BEND3: variants seen among roughly 807,000 people sequenced by gnomAD.
BEND3 encodes the protein BEN domain containing 3.
BEND3 carries 13 observed loss-of-function variants against 60.1 expected under a neutral mutation model. The observed-to-expected ratio is 0.22, with a 90% CI of 0.14 to 0.34. The LOEUF is 0.34. Among genes scored for constraint, BEND3 ranks in the 10% least tolerant of loss-of-function variants. The pLI is 1.00. For synonymous variants in BEND3, 497 were observed against 491.5 expected, an observed-to-expected ratio of 1.01 and a Z score of -0.15; for missense variants, 896 against 1,138.1, an observed-to-expected ratio of 0.79 and a Z score of 3.06.
intron 3 of BEND3, among the ~76,000 whole-genome samples, chr6:107,089,307 A>AT (rs1463292410): frequency 2.0e-5 from 3 of 151,918 alleles, no homozygotes; most frequent in Admixed American, 6.6e-5. Flanking sequence ...TAAAGATTTT[A>AT]TTTTTTTTCT....
chr6:107,081,372 CACT>C (rs1230077549), intron 3 of BEND3, among the ~76,000 whole-genome samples: 3 of 151,944 alleles, frequency 2.0e-5, no homozygotes, highest in Non-Finnish European at 2.9e-5. Context: ...AGACGCCCAC[CACT>C]ACGCCTGGCT....
In BEND3 at chr6:107,068,986, G is replaced by A. The variant is rs1347866138; in HGVS notation, c.2205C>T (p.Ser735=). ...EVREIVQQSL[S]VGNFAARLLV... Reference sequence around the variant, plus strand: ...GGAGCCGGGCGGCAAAGTTGCCCACGGAGAGGCTCTGCTGCACGATCTCAC... The same window carrying A: ...GGAGCCGGGCGGCAAAGTTGCCCACAGAGAGGCTCTGCTGCACGATCTCAC... The change falls in exon 4 of 4, where the codon TCC becomes TCT. Residue 735 remains serine, a synonymous_variant. Coordinates refer to ENST00000369042, the MANE Select transcript of BEND3 (RefSeq NM_001367314.1). This position sits in a 1 kb window ranked among gnomAD's most constrained non-coding sequence, Gnocchi z 5.8. The A allele has an allele frequency of 6.8e-6, 11 of 1,613,672 alleles. No homozygotes were observed. Among genetic ancestry groups the A allele is most frequent in the Admixed American group, 3.3e-5 (2 of 59,996 alleles).
intron 3 of BEND3, among the ~76,000 whole-genome samples, chr6:107,078,600 G>GCCTGCCACCACACC (rs1562302961): frequency 8.5e-6 from 1 of 117,438 alleles, no homozygotes; most frequent in Non-Finnish European, 1.8e-5. Flanking sequence ...GATTACAGGC[G>GCCTGCCACCACACC]TGAGCCTCCG....
Position 107,067,314 on chromosome 6 carries a change from G to A in BEND3, c.*1390C>T, listed in dbSNP as rs1411362132. ...CTGGTATGACACACTGTTTGCATTC[G>A]ACTGTTTCCTTTCCCTCTTAAGCAT... On this transcript the variant is annotated 3_prime_UTR_variant, in exon 4 of 4. Coordinates refer to ENST00000369042, the MANE Select transcript of BEND3 (RefSeq NM_001367314.1). 6.6e-6 allele frequency: 1 copy of A among 152,180 alleles called. No homozygotes were observed. Among genetic ancestry groups the A allele is most frequent in the African/African-American group, 2.4e-5 (1 of 41,446 alleles). 9.4% of individuals were successfully genotyped at this position (152,180 alleles called of 1,614,324 possible).
At chr6:107,095,828 A>G (rs1775574650) in intron 3 of BEND3, among the ~76,000 whole-genome samples, 1 of 152,260 alleles carries the variant, frequency 6.6e-6, no homozygotes, top group South Asian at 2.1e-4. Flanking sequence ...ACTTCACGAC[A>G]TTCTGGAAAA....
chr6:107,109,052 C>T (rs1288028287), intron 1 of BEND3, among the ~76,000 whole-genome samples: 1 of 152,040 alleles, frequency 6.6e-6, no homozygotes. Flanking sequence ...GAGATCCACC[C>T]GCCTCAGCCT....
intron 3 of BEND3, among the ~76,000 whole-genome samples, chr6:107,097,972 A>G (rs1282972419): frequency 6.6e-6 from 1 of 152,114 alleles, no homozygotes; most frequent in African/African-American, 2.4e-5. Context: ...ATTTGTTTGG[A>G]TCTGCCCTAA....
At position 107,099,266 on chromosome 6, in the gene BEND3, G is replaced by T; in HGVS notation, c.20C>A (p.Thr7Asn). The T allele has an allele frequency of 6.2e-7, 1 of 1,610,704 alleles. No homozygotes were observed. The highest frequency in any genetic ancestry group is 8.5e-7 in the Non-Finnish European group (1 of 1,177,634). The change falls in exon 2 of 4, where the codon ACC becomes AAC. Residue 7 changes from threonine (T) to asparagine (N), a missense_variant. By Grantham distance (65) the Thr-to-Asn change is moderately conservative. This residue lies in a region of BEND3 where 846 missense variants were observed against 1,036.7 expected (regional missense o/e 0.82). Transcript: ENST00000369042. Reference protein sequence around the residue: MNSTEFTEDVEEVLKSI... With the variant: MNSTEFNEDVEEVLKSI... ...TTTTTTACCTTCTTCTACATCTTCG[G>T]TGAATTCAGTTGAGTTCATCTTCTA...
At chr6:107,090,865 CT>C (rs1194690905) in intron 3 of BEND3, among the ~76,000 whole-genome samples, 1 of 152,080 alleles carries the variant, frequency 6.6e-6, no homozygotes, top group Non-Finnish European at 1.5e-5. Context: ...AATCCCAGCA[CT>C]TTGGAAGGCA....
At chr6:107,078,667 C>T (rs373909370) in intron 3 of BEND3, among the ~76,000 whole-genome samples, 1 of 151,022 alleles carries the variant, frequency 6.6e-6, no homozygotes, top group Non-Finnish European at 1.5e-5. Context: ...CCCCATGCTG[C>T]GTCCTCATGT....
At chr6:107,092,564 C>T (rs1185656669) in intron 3 of BEND3, among the ~76,000 whole-genome samples, 1 of 152,168 alleles carries the variant, frequency 6.6e-6, no homozygotes, top group Non-Finnish European at 1.5e-5. Context: ...GAAGATCAGG[C>T]ACAAAGCAAG....
At chr6:107,090,955 C>T (rs1239458299) in intron 3 of BEND3, among the ~76,000 whole-genome samples, 2 of 151,666 alleles carry the variant, frequency 1.3e-5, no homozygotes, top group Non-Finnish European at 2.9e-5. Context: ...ACTAAAAATA[C>T]AAAAATTAGC....
Position 107,069,849 on chromosome 6 carries a change from G to T in BEND3, c.1342C>A (p.Leu448Met). 1 of 1,613,688 alleles carries T rather than the reference G, an allele frequency of 6.2e-7. No individual in the cohort carries two copies. Among genetic ancestry groups the T allele is most frequent in the South Asian group, 1.1e-5 (1 of 91,080 alleles). Residue 448 changes from leucine to methionine, a missense_variant, in exon 4 of 4, where the codon CTG (leucine) becomes ATG (methionine). Leu to Met is a conservative substitution (Grantham distance 15, BLOSUM62 2). This residue lies in a region of BEND3 where 846 missense variants were observed against 1,036.7 expected (regional missense o/e 0.82). Transcript: ENST00000369042. ...GGKQELDPQR[L>M]QIIRNYTEIY... ...TCCGTGTAGTTGCGGATGATCTGCA[G>T]CCGCTGCGGGTCCAGCTCCTGCTTT...
At chr6:107,111,340 G>A (rs894788165) in intron 1 of BEND3, among the ~76,000 whole-genome samples, 2 of 151,730 alleles carry the variant, frequency 1.3e-5, no homozygotes, top group African/African-American at 2.4e-5. Flanking sequence ...GTGAAACCCC[G>A]TCTCTACTAA....
At chr6:107,094,069 A>G (rs1183812227) in intron 3 of BEND3, among the ~76,000 whole-genome samples, 1 of 152,086 alleles carries the variant, frequency 6.6e-6, no homozygotes, top group Non-Finnish European at 1.5e-5. Flanking sequence ...TAAAAACAAA[A>G]CCCAATTTTA....
At chr6:107,104,675 T>C (rs556101155) in intron 1 of BEND3, among the ~76,000 whole-genome samples, 7 of 151,636 alleles carry the variant, frequency 4.6e-5, no homozygotes, top group African/African-American at 1.7e-4. Flanking sequence ...GTTTTTCTTT[T>C]GGATTTTTTT....
rs1774850152 is a variant in BEND3, at chr6:107,067,143, A to AGCCAC, written c.*1556_*1560dup. On this transcript the variant is annotated 3_prime_UTR_variant, in exon 4 of 4. Transcript: ENST00000369042. The stretch of plus-strand genomic sequence containing the variant: ...GGGTACAGGCAAAATTATGTCATAC[A>AGCCAC]GCCACTGGAACTGAAGTTCTTATCA... 6.6e-6 allele frequency: 1 copy of AGCCAC among 152,242 alleles called. No homozygotes were observed. Among genetic ancestry groups the AGCCAC allele is most frequent in the Non-Finnish European group, 1.5e-5 (1 of 68,042 alleles). 9.4% of individuals were successfully genotyped at this position (152,242 alleles called of 1,614,324 possible).
At chr6:107,075,606 TTGGAG>T (rs1775084439) in intron 3 of BEND3, among the ~76,000 whole-genome samples, 1 of 152,212 alleles carries the variant, frequency 6.6e-6, no homozygotes, top group South Asian at 2.1e-4. Context: ...AAATTTGGGT[TTGGAG>T]TACTAACAAT....
At chr6:107,098,930 T>A (rs1338130121) in intron 2 of BEND3, among the ~76,000 whole-genome samples, 177 bp from the exon 3 acceptor site, 7 of 152,192 alleles carry the variant, frequency 4.6e-5, no homozygotes, top group Admixed American at 4.6e-4. Flanking sequence ...CTCACCGCAC[T>A]AGTGCTGTAC....
Sources: allele counts gnomAD v4.1 joint callset (sites outside exome capture counted in the v4.1 genomes callset), GRCh38; gene constraint gnomAD v4.1.1; regional missense constraint gnomAD v4.1.1; non-coding constraint Gnocchi (gnomAD v3.1); transcripts MANE v1.5; gene names NCBI Gene and HGNC (gene_info 2026-07-23, HGNC 2026-07-21).